Variants in ZNF804B observed in about 807,000 individuals in gnomAD.
ZNF804B encodes zinc finger protein 804B.
Under a neutral mutation model 101.4 loss-of-function variants are expected in ZNF804B, and 80 were observed. The ratio of observed to expected loss-of-function variants is 0.79; its 90% CI spans 0.66 to 0.95. The LOEUF (loss-of-function observed/expected upper bound fraction) is 0.95. Ranked by LOEUF, ZNF804B falls within the 40% of genes least tolerant of loss-of-function variation. The pLI is 0.00. For synonymous variants in ZNF804B, 622 were observed against 558.8 expected (o/e 1.11, Z -1.59); for missense variants, 1,673 against 1,561.9 (o/e 1.07, Z -1.20).
At chr7:88,798,356 T>C (rs1442843615) in intron 1 of ZNF804B, among the ~76,000 whole-genome samples, 1 of 152,226 alleles carries the variant, frequency 6.6e-6, no homozygotes, top group South Asian at 2.1e-4. Flanking sequence ...AACTAAGCTC[T>C]CCTTTCTTCA....
intron 1 of ZNF804B, among the ~76,000 whole-genome samples, chr7:88,781,048 C>T (rs558342890): frequency 6.6e-6 from 1 of 152,058 alleles, no homozygotes; most frequent in African/African-American, 2.4e-5. Context: ...TTGTTAGAAA[C>T]ACATAATGGA....
intron 1 of ZNF804B, among the ~76,000 whole-genome samples, chr7:89,145,371 G>T (rs1370243654): frequency 1.3e-5 from 2 of 151,798 alleles, no homozygotes; most frequent in East Asian, 3.9e-4. Flanking sequence ...AAACAGTAAG[G>T]GGCTTTTCCA....
chr7:89,102,676 T>G (rs1476255122), intron 1 of ZNF804B, among the ~76,000 whole-genome samples: 1 of 152,044 alleles, frequency 6.6e-6, no homozygotes. Context: ...ATGCAGAAGC[T>G]TTTTAGTTTA....
At chr7:88,823,829 A>G (rs1433840040) in intron 1 of ZNF804B, among the ~76,000 whole-genome samples, 2 of 152,126 alleles carry the variant, frequency 1.3e-5, no homozygotes, top group Non-Finnish European at 2.9e-5. Context: ...GAGGAAGAAA[A>G]TGTCAGTAAA....
intron 1 of ZNF804B, among the ~76,000 whole-genome samples, chr7:89,179,503 C>A (rs1788264248): frequency 6.6e-6 from 1 of 152,032 alleles, no homozygotes; most frequent in African/African-American, 2.4e-5. Flanking sequence ...GTATTTAAAT[C>A]TTTCTGTTAA....
At chr7:88,952,457 A>G (rs890981173) in intron 1 of ZNF804B, among the ~76,000 whole-genome samples, 1 of 151,330 alleles carries the variant, frequency 6.6e-6, no homozygotes, top group Non-Finnish European at 1.5e-5. Flanking sequence ...AATCATTTTT[A>G]TGTGCAAATT....
chr7:88,794,116 A>C, intron 1 of ZNF804B: 7 of 1,358,472 alleles, frequency 5.2e-6, no homozygotes, highest in Non-Finnish European at 6.9e-6. Flanking sequence ...TAACTTTAAA[A>C]ATGTTTTTTT....
chr7:89,173,835 G>T (rs1331897654), intron 1 of ZNF804B, among the ~76,000 whole-genome samples: 1 of 151,954 alleles, frequency 6.6e-6, no homozygotes, highest in South Asian at 2.1e-4. Flanking sequence ...TTAGAGTAGT[G>T]ATTCTTATGA....
At chr7:89,053,910 G>A (rs1466144670) in intron 1 of ZNF804B, among the ~76,000 whole-genome samples, 2 of 152,010 alleles carry the variant, frequency 1.3e-5, no homozygotes, top group Non-Finnish European at 2.9e-5. Flanking sequence ...TCTCAGATGG[G>A]GAGAATATAG....
chr7:88,928,573 T>C (rs1419215260), intron 1 of ZNF804B, among the ~76,000 whole-genome samples: 1 of 152,162 alleles, frequency 6.6e-6, no homozygotes, highest in Non-Finnish European at 1.5e-5. Flanking sequence ...TTTTGATTTC[T>C]GAAGAGATCC....
chr7:89,008,540 A>C (rs1788404861), intron 1 of ZNF804B, among the ~76,000 whole-genome samples: 1 of 152,156 alleles, frequency 6.6e-6, no homozygotes, highest in African/African-American at 2.4e-5. Context: ...GATGCTTATA[A>C]CATTCCCCCA....
intron 1 of ZNF804B, among the ~76,000 whole-genome samples, chr7:89,161,049 C>A (rs187268202): frequency 8.5e-5 from 13 of 152,198 alleles, no homozygotes; most frequent in Admixed American, 2.6e-4. Flanking sequence ...GGGACTCCAA[C>A]CACCTTTCCT....
chr7:88,960,507 G>A (rs944350192), intron 1 of ZNF804B, among the ~76,000 whole-genome samples: 17 of 150,932 alleles, frequency 1.1e-4, no homozygotes, highest in African/African-American at 3.9e-4. Flanking sequence ...AAGGTACAAA[G>A]GAGAAACGTA....
chr7:89,279,940 A>G (rs1343344913), intron 2 of ZNF804B, among the ~76,000 whole-genome samples: 1 of 152,052 alleles, frequency 6.6e-6, no homozygotes, highest in Non-Finnish European at 1.5e-5. Context: ...TCCACCCCAA[A>G]TCAACAGAAT....
At chr7:89,333,274 C>T (rs781191957) in intron 3 of ZNF804B, 89 bp from the exon 4 acceptor site, 205 of 1,251,236 alleles carry the variant, frequency 1.6e-4, no homozygotes, top group Non-Finnish European at 2.2e-4. Flanking sequence ...TGTAAAATAA[C>T]TCATCTTAGA....
intron 2 of ZNF804B, among the ~76,000 whole-genome samples, chr7:89,316,955 T>A (rs1790742347): frequency 6.6e-6 from 1 of 152,178 alleles, no homozygotes; most frequent in Admixed American, 6.5e-5. Flanking sequence ...AAAGATCTTT[T>A]GTCACTTAAA....
At chr7:88,816,420 G>T (rs56166413) in intron 1 of ZNF804B, among the ~76,000 whole-genome samples, 26,057 of 151,996 alleles carry the variant, frequency 0.17, 2,310 homozygotes, top group African/African-American at 0.24. Context: ...CACAGCAAAA[G>T]AAACTACCAT....
intron 1 of ZNF804B, among the ~76,000 whole-genome samples, chr7:89,098,999 G>A (rs970452588): frequency 3.4e-5 from 5 of 148,490 alleles, no homozygotes; most frequent in African/African-American, 7.4e-5. Context: ...CAACAGTGCA[G>A]TACAATTATA....
intron 1 of ZNF804B, among the ~76,000 whole-genome samples, chr7:88,952,869 A>G (rs1014495804): frequency 1.3e-5 from 2 of 151,916 alleles, no homozygotes; most frequent in Non-Finnish European, 2.9e-5. Flanking sequence ...CACACATTGA[A>G]TGGATACATG....
Sources: gnomAD v4.1 joint callset for allele counts (sites outside exome capture counted in the v4.1 genomes callset) on GRCh38, gnomAD v4.1.1 for gene constraint, MANE v1.5 for transcripts, NCBI Gene and HGNC (gene_info 2026-07-23, HGNC 2026-07-21) for gene names.